ALDH1L1: variants seen among roughly 807,000 people sequenced by gnomAD.
ALDH1L1 encodes the protein cytosolic 10-formyltetrahydrofolate dehydrogenase.
ALDH1L1 carries 68 observed loss-of-function variants against 101.1 expected under a neutral mutation model. That is an observed-to-expected ratio of 0.67 (90% CI 0.55 to 0.82). The LOEUF (loss-of-function observed/expected upper bound fraction) is 0.82. Among genes scored for constraint, ALDH1L1 ranks in the 40% least tolerant of loss-of-function variants. The probability of loss-of-function intolerance (pLI) is 0.00; values close to 1 mark genes in which losing one functional copy is unlikely to be tolerated. For missense variants in ALDH1L1, 1,087 were observed against 1,172.7 expected, an observed-to-expected ratio of 0.93 and a Z score of 1.07; for synonymous variants, 486 against 470.8, an observed-to-expected ratio of 1.03 and a Z score of -0.42.
chr3:126,157,626 TGACACC>T, intron 3 of ALDH1L1, 118 bp from the exon 4 acceptor site: 2 of 1,120,808 alleles, frequency 1.8e-6, no homozygotes, highest in Non-Finnish European at 2.6e-6. Flanking sequence ...GGGGTAGGAC[TGACACC>T]GGCTCCGGCG....
chr3:126,111,113 G>A lies in ALDH1L1; in HGVS notation c.2182-1004C>T, dbSNP rs115798315. On this transcript the variant is annotated intron_variant, in intron 19 of 22. Transcript: ENST00000393434. Reference sequence around the variant, plus strand: ...ATCCTGGTCCTGCTATTCCTGTGCCGGGCCCATCGTGGCAGTGGGCCTCAC... The same window carrying A: ...ATCCTGGTCCTGCTATTCCTGTGCCAGGCCCATCGTGGCAGTGGGCCTCAC... Among the ~76,000 whole-genome samples, 746 of 152,280 alleles carry A rather than the reference G, an allele frequency of 4.9e-3. 7 individuals carry two copies. The highest frequency in any genetic ancestry group is 0.016 in the African/African-American group (678 of 41,556).
At chr3:126,153,386 C>T (rs762960165) in intron 7 of ALDH1L1, 58 bp downstream of exon 7, 6 of 1,606,694 alleles carry the variant, frequency 3.7e-6, no homozygotes, top group Non-Finnish European at 5.1e-6. Flanking sequence ...GGCCTGAGTC[C>T]AAGGACAGGA....
chr3:126,177,405 A>G (rs2108337928), intron 1 of ALDH1L1, among the ~76,000 whole-genome samples: 1 of 152,366 alleles, frequency 6.6e-6, no homozygotes, highest in Non-Finnish European at 1.5e-5. Context: ...AGTCACAGAA[A>G]GACATGGAGG....
At chr3:126,186,300 C>T (rs1412891593), upstream of ALDH1L1, among the ~76,000 whole-genome samples, 1 of 152,246 alleles carries the variant, frequency 6.6e-6, no homozygotes, top group Non-Finnish European at 1.5e-5. Flanking sequence ...AAAGGAGCAA[C>T]TGGGCCTTCT....
intron 16 of ALDH1L1, 128 bp from the exon 17 acceptor site, chr3:126,118,226 C>T (rs1335439709): frequency 2.8e-6 from 2 of 720,980 alleles, no homozygotes; most frequent in Non-Finnish European, 4.8e-6. Flanking sequence ...CATGCTTGAT[C>T]CCCATGGTGC....
At chr3:126,197,198 T>C (rs1417530311) in intron 1 of ALDH1L1, among the ~76,000 whole-genome samples, 1 of 152,254 alleles carries the variant, frequency 6.6e-6, no homozygotes, top group Non-Finnish European at 1.5e-5. Flanking sequence ...AATGTACCAC[T>C]GTAAGTTATC....
At chr3:126,133,166 C>A (rs932257549) in intron 12 of ALDH1L1, among the ~76,000 whole-genome samples, 3 of 152,212 alleles carry the variant, frequency 2.0e-5, no homozygotes, top group Non-Finnish European at 4.4e-5. Context: ...CAAACAGGTA[C>A]GTTTTTAGCC....
At chr3:126,186,557 A>G (rs1295140225) in intron 1 of ALDH1L1, among the ~76,000 whole-genome samples, 1 of 152,136 alleles carries the variant, frequency 6.6e-6, no homozygotes, top group African/African-American at 2.4e-5. Flanking sequence ...ACTTCATGGA[A>G]CCCAGAGGAG....
intron 1 of ALDH1L1, 118 bp downstream of exon 1, chr3:126,180,358 C>T (rs560023872): frequency 2.6e-6 from 2 of 767,180 alleles, no homozygotes; most frequent in Admixed American, 6.2e-5. Context: ...CCCGCAGGAG[C>T]CCTTGCGGTG....
At chr3:126,192,428 A>C (rs1011745636) in intron 1 of ALDH1L1, among the ~76,000 whole-genome samples, 1 of 152,228 alleles carries the variant, frequency 6.6e-6, no homozygotes, top group Non-Finnish European at 1.5e-5. Context: ...CAGTAAAGGA[A>C]GAAGCCTATA....
At chr3:126,130,068 A>G (rs1868125) in intron 14 of ALDH1L1, 155 bp downstream of exon 14, 374,433 of 588,072 alleles carry the variant, frequency 0.64, 120,058 homozygotes, top group Middle Eastern at 0.68. Flanking sequence ...CCTTACAACA[A>G]TGCCTGGCAT....
intron 22 of ALDH1L1, chr3:126,104,131 G>T (rs1023894085): frequency 3.9e-6 from 2 of 510,400 alleles, no homozygotes; most frequent in Non-Finnish European, 7.0e-6. Flanking sequence ...CCCTTCAGGT[G>T]GAAGGGGGTG....
At chr3:126,125,160 T>G (rs970274503) in intron 15 of ALDH1L1, among the ~76,000 whole-genome samples, 1 of 152,156 alleles carries the variant, frequency 6.6e-6, no homozygotes, top group Non-Finnish European at 1.5e-5. Context: ...GACACCACAC[T>G]GCGTAGCTTC....
chr3:126,131,806 C>T (rs1234951739), intron 12 of ALDH1L1, among the ~76,000 whole-genome samples: 1 of 152,262 alleles, frequency 6.6e-6, no homozygotes, highest in Non-Finnish European at 1.5e-5. Context: ...CTACTTTATC[C>T]TATTCCTCCG....
intron 1 of ALDH1L1, among the ~76,000 whole-genome samples, chr3:126,171,368 A>G (rs1270108586): frequency 6.6e-6 from 1 of 152,086 alleles, no homozygotes; most frequent in East Asian, 1.9e-4. Flanking sequence ...ACAGGCACAC[A>G]ACTCTCCCTC....
In ALDH1L1 at chr3:126,158,619, C is replaced by T. The variant is rs760768743; in HGVS notation, c.148G>A (p.Gly50Arg). 5 of 1,612,912 alleles carry T rather than the reference C, an allele frequency of 3.1e-6. No individual in the cohort carries two copies. In the East Asian group the frequency reaches 1.1e-4, roughly 36 times the overall value. ...DPLGLEAEKD[G>R]VPVFKYSRWR... ...CGGGAGTACTTGAATACCGGCACTC[C>T]ATCCTTCTCAGCTTCCAGACCTGTG... Residue 50 changes from glycine to arginine, a missense_variant, in exon 3 of 23, where the codon GGA becomes AGA. Physicochemically the swap from Gly to Arg is moderately radical, Grantham distance 125. This residue lies in a region of ALDH1L1 where 645 missense variants were observed against 637.0 expected (regional missense o/e 1.01). Transcript: ENST00000393434.
At chr3:126,188,008 T>G (rs2081530945) in intron 1 of ALDH1L1, among the ~76,000 whole-genome samples, 1 of 152,236 alleles carries the variant, frequency 6.6e-6, no homozygotes, top group Admixed American at 6.5e-5. Context: ...AGCTCCTGGC[T>G]GCTACACGGT....
At chr3:126,165,361 G>A (rs11919632) in intron 1 of ALDH1L1, among the ~76,000 whole-genome samples, 95,651 of 151,960 alleles carry the variant, frequency 0.63, 30,123 homozygotes, top group Middle Eastern at 0.66. Flanking sequence ...TATGTTCATC[G>A]GGGATATTGG....
intron 20 of ALDH1L1, among the ~76,000 whole-genome samples, chr3:126,107,462 G>A (rs1470025279): frequency 1.3e-5 from 2 of 152,240 alleles, no homozygotes; most frequent in South Asian, 4.1e-4. Context: ...TTAACGGAGT[G>A]CTGTTGAGGG....
Sources: gnomAD v4.1 joint callset for allele counts (sites outside exome capture counted in the v4.1 genomes callset) on GRCh38, gnomAD v4.1.1 for gene constraint, gnomAD v4.1.1 regional missense constraint, MANE v1.5 for transcripts, NCBI Gene and HGNC (gene_info 2026-07-23, HGNC 2026-07-21) for gene names.